SAMD5: variants seen among roughly 807,000 people sequenced by gnomAD.
The protein encoded by SAMD5 is sterile alpha motif domain-containing protein 5.
In SAMD5, 13 loss-of-function variants were observed where a neutral mutation model predicts 11.3. The observed-to-expected ratio is 1.15, with a 90% confidence interval of 0.75 to 1.83. SAMD5 has a LOEUF of 1.83. Ranked by LOEUF, SAMD5 falls within the 40% of genes most tolerant of loss-of-function variation. The pLI is 0.00. For synonymous variants in SAMD5, 129 were observed against 111.3 expected, an observed-to-expected ratio of 1.16 and a Z score of -1.00; for missense variants, 255 against 239.1, an observed-to-expected ratio of 1.07 and a Z score of -0.44.
intron 1 of SAMD5, among the ~76,000 whole-genome samples, chr6:147,645,113 G>T (rs150911520): frequency 5.8e-4 from 88 of 152,268 alleles, no homozygotes; most frequent in Non-Finnish European, 1.1e-3. Flanking sequence ...ACAAGGAGAT[G>T]CCATAATCAG....
chr6:147,873,002 G>A, the SAMD5 span, among the ~76,000 whole-genome samples: 10 of 152,252 alleles, frequency 6.6e-5, no homozygotes, highest in African/African-American at 2.2e-4. Context: ...ACACAAGTGC[G>A]AACTGAATTG....
chr6:147,636,511 C>G (rs1351589399), intron 1 of SAMD5, among the ~76,000 whole-genome samples: 2 of 152,240 alleles, frequency 1.3e-5, no homozygotes, highest in East Asian at 3.9e-4. Context: ...AAAATCTTCT[C>G]ATTTTGTTCT....
chr6:147,947,232 A>G, the SAMD5 span, among the ~76,000 whole-genome samples: 2 of 152,078 alleles, frequency 1.3e-5, no homozygotes, highest in African/African-American at 4.8e-5. Flanking sequence ...GTAGTTTAGG[A>G]TGGAATTAGC....
chr6:147,528,678 C>T (rs1788382685), intron 1 of SAMD5, among the ~76,000 whole-genome samples: 1 of 152,064 alleles, frequency 6.6e-6, no homozygotes, highest in African/African-American at 2.4e-5. Flanking sequence ...TAAGTTAATC[C>T]CAGTCACATG....
the SAMD5 span, among the ~76,000 whole-genome samples, chr6:147,838,154 A>C: frequency 6.6e-6 from 1 of 152,202 alleles, no homozygotes; most frequent in Non-Finnish European, 1.5e-5. Flanking sequence ...TGAAGGAGAA[A>C]TTTGAGTGAC....
chr6:147,931,756 A>T, the SAMD5 span, among the ~76,000 whole-genome samples: 2 of 152,190 alleles, frequency 1.3e-5, no homozygotes, highest in East Asian at 3.8e-4. Context: ...TTTGAATTAC[A>T]ATTTTATTAT....
the SAMD5 span, among the ~76,000 whole-genome samples, chr6:147,861,621 G>T: frequency 6.6e-6 from 1 of 152,116 alleles, no homozygotes; most frequent in Admixed American, 6.5e-5. Context: ...GATGCTCAGG[G>T]CCCAGGAACA....
chr6:147,545,857 G>A (rs1328258755), intron 1 of SAMD5, among the ~76,000 whole-genome samples: 2 of 152,086 alleles, frequency 1.3e-5, no homozygotes, highest in Admixed American at 6.5e-5. Context: ...ATTAGGATAG[G>A]AATTTCTTGT....
the SAMD5 span, among the ~76,000 whole-genome samples, chr6:147,861,987 G>C: frequency 4.8e-4 from 73 of 152,200 alleles, no homozygotes; most frequent in African/African-American, 1.6e-3. Context: ...GAAAGGGGGA[G>C]GTCCAGTTTT....
At chr6:147,855,741 G>C in the SAMD5 span, among the ~76,000 whole-genome samples, 1 of 152,024 alleles carries the variant, frequency 6.6e-6, no homozygotes. Context: ...TAATTAAAAG[G>C]CAGAGTTTCT....
chr6:147,727,845 A>G (rs141822184), intron 1 of SAMD5, among the ~76,000 whole-genome samples: 4 of 152,314 alleles, frequency 2.6e-5, no homozygotes, highest in African/African-American at 7.2e-5. Context: ...AGAGTAGTCA[A>G]TGATTAAATA....
At chr6:147,785,911 A>G in the SAMD5 span, among the ~76,000 whole-genome samples, 32 of 152,172 alleles carry the variant, frequency 2.1e-4, no homozygotes, top group African/African-American at 7.7e-4. Context: ...AAATACAACA[A>G]TCGCTTCTTG....
At chr6:147,723,867 C>A (rs1163889839) in intron 1 of SAMD5, among the ~76,000 whole-genome samples, 1 of 152,098 alleles carries the variant, frequency 6.6e-6, no homozygotes, top group Non-Finnish European at 1.5e-5. Flanking sequence ...AGGTTATCTG[C>A]CTCTTTTTAT....
At chr6:147,549,669 A>C (rs191861548) in intron 1 of SAMD5, among the ~76,000 whole-genome samples, 5 of 152,058 alleles carry the variant, frequency 3.3e-5, no homozygotes, top group Non-Finnish European at 7.4e-5. Context: ...CACATTCCCA[A>C]ATAAACTATC....
At chr6:147,586,837 C>A (rs954915098) in intron 1 of SAMD5, among the ~76,000 whole-genome samples, 42 of 152,018 alleles carry the variant, frequency 2.8e-4, no homozygotes, top group African/African-American at 1.0e-3. Context: ...TTTCTTTCTT[C>A]TCACTTTTCT....
intron 1 of SAMD5, among the ~76,000 whole-genome samples, chr6:147,577,954 A>G (rs1428119409): frequency 1.3e-5 from 2 of 152,230 alleles, no homozygotes; most frequent in Non-Finnish European, 2.9e-5. Flanking sequence ...ATATTCTAGA[A>G]TCAGGTACAC....
At chr6:147,547,645 A>T (rs925628605) in intron 1 of SAMD5, among the ~76,000 whole-genome samples, 1 of 152,230 alleles carries the variant, frequency 6.6e-6, no homozygotes, top group East Asian at 1.9e-4. Flanking sequence ...AGATTAGACC[A>T]ACCCGAGAGA....
the SAMD5 span, among the ~76,000 whole-genome samples, chr6:147,882,895 A>T: frequency 1.3e-5 from 2 of 152,238 alleles, no homozygotes; most frequent in African/African-American, 2.4e-5. Flanking sequence ...TTACTGTCAG[A>T]TAAACATTTC....
chr6:147,640,348 A>G (rs1790291270), intron 1 of SAMD5, among the ~76,000 whole-genome samples: 1 of 150,540 alleles, frequency 6.6e-6, no homozygotes, highest in East Asian at 2.0e-4. Flanking sequence ...GAAAAAAAAA[A>G]TTGCCGGGTG....
Sources: gnomAD v4.1 joint callset for allele counts (sites outside exome capture counted in the v4.1 genomes callset) on GRCh38, gnomAD v4.1.1 for gene constraint, MANE v1.5 for transcripts, NCBI Gene and HGNC (gene_info 2026-07-23, HGNC 2026-07-21) for gene names.